Variants in ZNF658 observed in about 807,000 individuals in gnomAD.
ZNF658 encodes zinc finger protein 658.
In ZNF658, 46 loss-of-function variants were observed where a neutral mutation model predicts 78.0. The ratio of observed to expected loss-of-function variants is 0.59; its 90% CI spans 0.47 to 0.75. The LOEUF (loss-of-function observed/expected upper bound fraction) is 0.75. Among genes scored for constraint, ZNF658 ranks in the 30% least tolerant of loss-of-function variants. ZNF658 has a pLI of 0.00. For missense variants in ZNF658, 785 were observed against 1,189.3 expected (o/e 0.66, Z 5.00); for synonymous variants, 279 against 408.4 (o/e 0.68, Z 3.82).
At chr9:66,915,545 C>A in intron 4 of ZNF658, among the ~76,000 whole-genome samples, 1 of 151,202 alleles carries the variant, frequency 6.6e-6, no homozygotes, top group East Asian at 2.0e-4. Context: ...CATGTTGGCA[C>A]CCTAATCTCA....
rs759435466 is a variant in ZNF658 at position 66,918,881 on chromosome 9, C to T, written c.1315C>T (p.Leu439Phe). 123 of 1,589,366 alleles carry T rather than the reference C, an allele frequency of 7.7e-5. No individual in the cohort carries two copies. The highest frequency in any genetic ancestry group is 9.8e-5 in the Non-Finnish European group (114 of 1,163,406). The change falls in exon 5 of 5, where the codon CTT becomes TTT. Residue 439 changes from leucine to phenylalanine, a missense_variant. Transcript: ENST00000621410. ...QHPGTYVGFK[L>F]YECNECGKAF... The stretch of plus-strand genomic sequence containing the variant: ...TCCTGGAACTTATGTGGGATTCAAA[C>T]TTTATGAATGTAATGAATGTGGGAA...
intron 4 of ZNF658, among the ~76,000 whole-genome samples, chr9:66,913,153 G>A (rs555999370): frequency 3.3e-5 from 5 of 150,464 alleles, no homozygotes; most frequent in South Asian, 2.1e-4. Flanking sequence ...AGCTAGGCAC[G>A]GTGGCTCACA....
chr9:66,901,113 T>C (rs1224918723), intron 1 of ZNF658: 1 of 152,192 alleles, frequency 6.6e-6, no homozygotes, highest in Non-Finnish European at 1.5e-5. Flanking sequence ...TTCTGAAAAT[T>C]AAATAAGTTG....
rs1481321316 is a variant in ZNF658 at position 66,919,771 on chromosome 9, C to A, written c.2205C>A (p.Ile735=). The part of the protein sequence containing the change: ...HNSALRAHQN[I]HTGEKLYECS... ...CAGCCCTTAGAGCACATCAGAATAT[C>A]CACACAGGGGAGAAACTCTATGAAT... is the stretch of plus-strand genomic sequence containing the variant. The change falls in exon 5 of 5, where the codon ATC becomes ATA. Residue 735 remains isoleucine (I), a synonymous_variant. Transcript: ENST00000621410. 3.7e-6 allele frequency: 6 copies of A among 1,607,752 alleles called. No individual in the cohort carries two copies. The highest frequency in any genetic ancestry group is 5.1e-6 in the Non-Finnish European group (6 of 1,178,606).
At chr9:66,906,962 C>T (rs1468217160) in intron 2 of ZNF658, among the ~76,000 whole-genome samples, 6 of 151,830 alleles carry the variant, frequency 4.0e-5, no homozygotes, top group Admixed American at 6.6e-5. Flanking sequence ...GTATCTTCAC[C>T]GTCATCACTT....
intron 4 of ZNF658, among the ~76,000 whole-genome samples, chr9:66,910,300 T>C (rs1357478726): frequency 6.6e-6 from 1 of 152,118 alleles, no homozygotes; most frequent in East Asian, 1.9e-4. Context: ...GTTTTCAATG[T>C]CATTTTTAGA....
intron 1 of ZNF658, chr9:66,902,908 G>C (rs1821985562): frequency 6.6e-6 from 1 of 151,272 alleles, no homozygotes; most frequent in Non-Finnish European, 1.5e-5. Flanking sequence ...TCTATTTTTA[G>C]TAGAGACAGG....
intron 4 of ZNF658, 67 bp downstream of exon 4, chr9:66,908,801 A>G (rs1822145188): frequency 7.5e-7 from 1 of 1,334,692 alleles, no homozygotes; most frequent in Non-Finnish European, 1.0e-6. Context: ...GCACCTTTGA[A>G]AGTTTTTTTG....
intron 4 of ZNF658, among the ~76,000 whole-genome samples, chr9:66,915,410 A>AG (rs1491138156): frequency 2.1e-4 from 32 of 151,304 alleles, no homozygotes; most frequent in Non-Finnish European, 4.0e-4. Flanking sequence ...AAAAAAAAAA[A>AG]AGAGAGAGAC....
At chr9:66,922,056 A>C (rs1587371142), downstream of ZNF658, among the ~76,000 whole-genome samples, 1 of 107,568 alleles carries the variant, frequency 9.3e-6, no homozygotes, top group Non-Finnish European at 2.0e-5. Context: ...AATGGCAGAC[A>C]CCCCTCCCCC....
chr9:66,903,111 T>G (rs906188002), intron 1 of ZNF658: 1 of 179,672 alleles, frequency 5.6e-6, no homozygotes, highest in African/African-American at 2.4e-5. Context: ...TGTTTTATTT[T>G]TACTTTTTTC....
rs976078086 is a variant in ZNF658 at position 66,918,588 on chromosome 9, T to A, written c.1022T>A (p.Ile341Lys). 6.2e-7 allele frequency: 1 copy of A among 1,609,350 alleles called. No individual in the cohort carries two copies. Among genetic ancestry groups the A allele is most frequent in the South Asian group, 1.1e-5 (1 of 90,876 alleles). ...EENFSQSSAHIVHQKTQAGDK... is the reference protein window; with the variant it reads ...EENFSQSSAHKVHQKTQAGDK... ...AATTTTAGCCAGAGCTCAGCCCATA[T>A]AGTACATCAGAAAACACAAGCTGGA... Residue 341 changes from isoleucine to lysine, a missense_variant, in exon 5 of 5, where the codon ATA becomes AAA. Physicochemically the swap from Ile to Lys is moderately radical, Grantham distance 102. Around this residue, in one of 12 missense-constraint regions of ZNF658, gnomAD observed 393 missense variants for 400.2 expected, o/e 0.98. Transcript: ENST00000621410.
chr9:66,929,549 T>A (rs571683300), intron 6 of ZNF658, among the ~76,000 whole-genome samples: 1 of 152,124 alleles, frequency 6.6e-6, no homozygotes, highest in Non-Finnish European at 1.5e-5. Flanking sequence ...TCTTCCAGGA[T>A]GCAGGTTCTT....
rs1822496594 is a variant in ZNF658 at position 66,920,528 on chromosome 9, C to A, written c.2962C>A (p.His988Asn). ...KSHLSAHQRI[H>N]TGEKPYECNE... ...ACACCTTAGTGCACACCAGAGAATT[C>A]ACACAGGGGAGAAACCCTATGAGTG... Residue 988 changes from histidine (H) to asparagine (N), a missense_variant, in exon 5 of 5, where the codon CAC (histidine) becomes AAC (asparagine). Physicochemically the swap from His to Asn is moderately conservative, Grantham distance 68. Around this residue, in one of 12 missense-constraint regions of ZNF658, gnomAD observed 24 missense variants for 104.8 expected, o/e 0.23. Transcript: ENST00000621410. The A allele has an allele frequency of 6.7e-7, 1 of 1,485,568 alleles. No individual in the cohort carries two copies. The highest frequency in any genetic ancestry group is 9.2e-7 in the Non-Finnish European group (1 of 1,087,058). The allele number at this position is 1,485,568 out of a possible 1,614,324, so 92.0% of individuals were successfully genotyped here. A position where few individuals can be genotyped will look rare whatever the true frequency, so the allele number is the denominator to read the frequency against.
chr9:66,929,053 G>C (rs941528923), intron 6 of ZNF658, among the ~76,000 whole-genome samples: 1 of 152,098 alleles, frequency 6.6e-6, no homozygotes, highest in African/African-American at 2.4e-5. Flanking sequence ...GACAGAGACA[G>C]AGGGGTGTGA....
At position 66,918,285 on chromosome 9, in the gene ZNF658, A is replaced by G. The variant is rs1822390149; in HGVS notation, c.719A>G (p.Glu240Gly). 1.1e-5 allele frequency: 18 copies of G among 1,613,710 alleles called. No homozygotes were observed. Among genetic ancestry groups the G allele is most frequent in the Non-Finnish European group, 1.5e-5 (18 of 1,179,768 alleles). Residue 240 changes from glutamate to glycine, a missense_variant, in exon 5 of 5, where the codon GAA (glutamate) becomes GGA (glycine). This residue lies in a region of ZNF658 where 393 missense variants were observed against 400.2 expected (regional missense o/e 0.98). Coordinates refer to ENST00000621410, the MANE Select transcript of ZNF658 (RefSeq NM_033160.7). Reference protein sequence around the residue: ...CITPQSFLTGEKSCKDDEFRK... With the variant: ...CITPQSFLTGGKSCKDDEFRK... ...ACACCTCAGAGTTTTCTAACAGGAG[A>G]AAAGTCCTGTAAGGATGATGAATTT...
intron 6 of ZNF658, among the ~76,000 whole-genome samples, chr9:66,930,661 AGCAAGAC>A (rs1386856752): frequency 6.6e-6 from 1 of 152,010 alleles, no homozygotes; most frequent in African/African-American, 2.4e-5. Flanking sequence ...AATACAACAG[AGCAAGAC>A]TCCGTCTCAA....
intron 4 of ZNF658, among the ~76,000 whole-genome samples, chr9:66,913,517 G>A (rs1011106835): frequency 1.3e-4 from 20 of 152,024 alleles, no homozygotes; most frequent in African/African-American, 4.6e-4. Flanking sequence ...CACGTAGCAG[G>A]CAGTGATGCT....
At chr9:66,921,755 G>A (rs1262121717), downstream of ZNF658, among the ~76,000 whole-genome samples, 1 of 150,948 alleles carries the variant, frequency 6.6e-6, no homozygotes, top group Non-Finnish European at 1.5e-5. Context: ...GTGTCAGTCG[G>A]CCCCTACTGG....
Sources: allele counts gnomAD v4.1 joint callset (sites outside exome capture counted in the v4.1 genomes callset), GRCh38; gene constraint gnomAD v4.1.1; regional missense constraint gnomAD v4.1.1; transcripts MANE v1.5; gene names NCBI Gene and HGNC (gene_info 2026-07-23, HGNC 2026-07-21).